Variants in MANBA observed in about 807,000 individuals in gnomAD.
MANBA encodes beta-mannosidase.
Under a neutral mutation model 111.1 loss-of-function variants are expected in MANBA, and 83 were observed. The ratio of observed to expected loss-of-function variants is 0.75; its 90% confidence interval spans 0.63 to 0.90. The LOEUF (loss-of-function observed/expected upper bound fraction) is 0.90, where lower values mean the gene tolerates loss of function less well. Among genes scored for constraint, MANBA ranks in the 40% least tolerant of loss-of-function variants. The pLI, the probability that MANBA is intolerant of heterozygous loss-of-function variation, is 0.00. For synonymous variants in MANBA, 370 were observed against 378.7 expected, an observed-to-expected ratio of 0.98 and a Z score of 0.27; for missense variants, 1,036 against 1,069.0, an observed-to-expected ratio of 0.97 and a Z score of 0.43.
At chr4:102,635,258 A>G (rs1729572916) in intron 15 of MANBA, among the ~76,000 whole-genome samples, 1 of 152,196 alleles carries the variant, frequency 6.6e-6, no homozygotes, top group Non-Finnish European at 1.5e-5. Context: ...AAATAACAGC[A>G]GTAATGTCAC....
chr4:102,688,122 AT>A (rs1481447360), intron 7 of MANBA, among the ~76,000 whole-genome samples: 1 of 152,154 alleles, frequency 6.6e-6, no homozygotes, highest in African/African-American at 2.4e-5. Flanking sequence ...GTAAGTTGGA[AT>A]GACTCATTAT....
intron 7 of MANBA, among the ~76,000 whole-genome samples, chr4:102,683,379 C>T (rs549119211): frequency 2.0e-5 from 3 of 152,272 alleles, no homozygotes; most frequent in South Asian, 4.1e-4. Context: ...ACAGCAACAG[C>T]CTTCTGCTGC....
At chr4:102,730,160 C>T in intron 1 of MANBA, 1 of 1,156,190 alleles carries the variant, frequency 8.6e-7, no homozygotes, top group Non-Finnish European at 1.2e-6. Context: ...TCTGGGTCAC[C>T]CTGATGGACA....
intron 1 of MANBA, among the ~76,000 whole-genome samples, chr4:102,733,689 A>G (rs1054392314): frequency 1.3e-5 from 2 of 152,164 alleles, no homozygotes; most frequent in African/African-American, 4.8e-5. Context: ...CTTTCTAGAA[A>G]AGTAACCTGA....
intron 1 of MANBA, among the ~76,000 whole-genome samples, chr4:102,759,978 ACAGCAAAAG>A (rs755093732): frequency 2.0e-5 from 3 of 152,162 alleles, no homozygotes; most frequent in Non-Finnish European, 2.9e-5. Flanking sequence ...GCAAGAGGGA[ACAGCAAAAG>A]CAGTTGGAGG....
chr4:102,675,556 C>A (rs1731688842), intron 7 of MANBA, among the ~76,000 whole-genome samples: 1 of 152,170 alleles, frequency 6.6e-6, no homozygotes, highest in Non-Finnish European at 1.5e-5. Flanking sequence ...GTTTCCCTTG[C>A]AACCTACACA....
At chr4:102,728,912 C>A in intron 1 of MANBA, 1 of 752,006 alleles carries the variant, frequency 1.3e-6, no homozygotes, top group Non-Finnish European at 2.4e-6. Flanking sequence ...GCTCAGATCA[C>A]CTGCATAACC....
chr4:102,653,226 A>G (rs1730416852), intron 12 of MANBA, among the ~76,000 whole-genome samples: 1 of 20,832 alleles, frequency 4.8e-5, no homozygotes, highest in Non-Finnish European at 1.3e-4. Context: ...ACATGCACAC[A>G]CACACACACA....
intron 9 of MANBA, among the ~76,000 whole-genome samples, chr4:102,669,582 G>A (rs1042694779): frequency 1.7e-4 from 26 of 152,224 alleles, no homozygotes; most frequent in African/African-American, 4.8e-5. Context: ...AGTGGCTCAC[G>A]CCTGTAATCC....
At chr4:102,690,849 C>A in intron 5 of MANBA, 78 bp from the exon 6 acceptor site, 1 of 541,986 alleles carries the variant, frequency 1.8e-6, no homozygotes, top group Non-Finnish European at 2.6e-6. Flanking sequence ...TCTCAGGATT[C>A]ATTGAAGGTA....
chr4:102,709,279 AAAGAAAGGAAGG>A (rs1376223535), intron 5 of MANBA, among the ~76,000 whole-genome samples: 17 of 55,500 alleles, frequency 3.1e-4, no homozygotes, highest in African/African-American at 9.4e-4. Flanking sequence ...GAAAGAAAAG[AAAGAAAGGAAGG>A]AAGGAAGGAA....
intron 7 of MANBA, among the ~76,000 whole-genome samples, chr4:102,683,166 C>A: frequency 6.8e-6 from 1 of 147,278 alleles, no homozygotes. Flanking sequence ...AACAAAGTGA[C>A]ATTAAAAAAG....
intron 1 of MANBA, chr4:102,728,931 T>C (rs1722917351): frequency 2.6e-6 from 2 of 758,526 alleles, no homozygotes; most frequent in African/African-American, 1.7e-5. Flanking sequence ...CCACTGGTGG[T>C]CTTTGTATGG....
chr4:102,744,015 T>A (rs1723503752), intron 1 of MANBA, among the ~76,000 whole-genome samples: 4 of 152,216 alleles, frequency 2.6e-5, no homozygotes, highest in Admixed American at 2.0e-4. Flanking sequence ...GCAGAGCAGC[T>A]TGCACAGCAG....
At chr4:102,703,150 A>C (rs1733139942) in intron 5 of MANBA, among the ~76,000 whole-genome samples, 1 of 151,678 alleles carries the variant, frequency 6.6e-6, no homozygotes, top group Admixed American at 6.6e-5. Flanking sequence ...TTTGTTTTTG[A>C]GACAGGGTCT....
chr4:102,760,843 C>T lies in MANBA; in HGVS notation c.52G>A (p.Ala18Thr), dbSNP rs531649175. Residue 18 changes from alanine (A) to threonine (T), a missense_variant, in exon 1 of 17, where the codon GCC becomes ACC. Ala to Thr is a moderately conservative substitution (Grantham distance 58, BLOSUM62 0). Transcript: ENST00000647097. ...LLALCGAGTT[A>T]AELSYSLRGN... Reference sequence around the variant, plus strand: ...CGCAAGCTGTAACTGAGCTCCGCGGCGGTGGTGCCTGCACCGCACAGCGCG... The same window carrying T: ...CGCAAGCTGTAACTGAGCTCCGCGGTGGTGGTGCCTGCACCGCACAGCGCG... 2 of 1,570,812 alleles carry T rather than the reference C, an allele frequency of 1.3e-6. No homozygotes were observed. The highest frequency in any genetic ancestry group is 2.3e-5 in the South Asian group (2 of 85,706).
intron 14 of MANBA, among the ~76,000 whole-genome samples, chr4:102,637,557 A>G (rs996600159): frequency 3.9e-5 from 6 of 152,206 alleles, no homozygotes; most frequent in African/African-American, 1.4e-4. Context: ...TGGCTGTCCA[A>G]TGAAGTCTCC....
chr4:102,664,638 C>T, intron 11 of MANBA, 47 bp downstream of exon 11: 1 of 1,551,116 alleles, frequency 6.4e-7, no homozygotes, highest in Non-Finnish European at 8.9e-7. Flanking sequence ...ACGCCCAGCC[C>T]TAAAGATACA....
At chr4:102,645,013 C>G (rs1730040752) in intron 13 of MANBA, among the ~76,000 whole-genome samples, 1 of 151,862 alleles carries the variant, frequency 6.6e-6, no homozygotes, top group Non-Finnish European at 1.5e-5. Context: ...TGTCTTTTGT[C>G]ATTACCACAC....
Sources: allele counts gnomAD v4.1 joint callset (sites outside exome capture counted in the v4.1 genomes callset), GRCh38; gene constraint gnomAD v4.1.1; transcripts MANE v1.5; gene names NCBI Gene and HGNC (gene_info 2026-07-23, HGNC 2026-07-21).